PSMD14: variants seen among roughly 807,000 people sequenced by gnomAD.
PSMD14 encodes ubiquitin C-terminal hydrolase PSMD14.
A neutral mutation model predicts 41.2 loss-of-function variants in PSMD14; 7 were observed. The observed-to-expected ratio is 0.17, with a 90% CI of 0.10 to 0.32. The LOEUF is 0.32. PSMD14 is among the 10% of genes least tolerant of loss of function. PSMD14 has a pLI of 1.00. For missense variants in PSMD14, 139 were observed against 375.6 expected (o/e 0.37, Z 5.21); for synonymous variants, 114 against 122.3 (o/e 0.93, Z 0.45).
chr2:161,395,045 A>G, intron 9 of PSMD14, 33 bp from the exon 10 acceptor site: 1 of 1,538,216 alleles, frequency 6.5e-7, no homozygotes, highest in Non-Finnish European at 8.7e-7. Flanking sequence ...TCCTCAAGGC[A>G]GAAAAAGAAT....
intron 10 of PSMD14, among the ~76,000 whole-genome samples, chr2:161,403,381 A>T (rs1347717535): frequency 1.3e-5 from 2 of 152,186 alleles, no homozygotes; most frequent in African/African-American, 2.4e-5. Context: ...GTTGCCAGGG[A>T]CTTGGGCAAG....
At chr2:161,406,952 A>G (rs1683955532) in intron 10 of PSMD14, among the ~76,000 whole-genome samples, 2 of 152,108 alleles carry the variant, frequency 1.3e-5, no homozygotes, top group African/African-American at 4.8e-5. Context: ...TCTATCTACC[A>G]TCTTTGTTGT....
At chr2:161,323,631 C>A (rs899031289) in intron 3 of PSMD14, among the ~76,000 whole-genome samples, 1 of 151,806 alleles carries the variant, frequency 6.6e-6, no homozygotes, top group African/African-American at 2.4e-5. Flanking sequence ...CCACTGCACT[C>A]CAGCCTGGGT....
At chr2:161,328,852 CAT>C (rs1284256089) in intron 3 of PSMD14, among the ~76,000 whole-genome samples, 2 of 152,134 alleles carry the variant, frequency 1.3e-5, no homozygotes, top group East Asian at 3.9e-4. Flanking sequence ...AGTACACAAA[CAT>C]AAAACTAAAG....
At chr2:161,327,326 A>G (rs1436623306) in intron 3 of PSMD14, among the ~76,000 whole-genome samples, 2 of 152,300 alleles carry the variant, frequency 1.3e-5, no homozygotes, top group East Asian at 3.9e-4. Context: ...GACAGTGTTA[A>G]TGTGCCTAAT....
chr2:161,370,584 A>G (rs1050245791), intron 6 of PSMD14, among the ~76,000 whole-genome samples: 11 of 152,164 alleles, frequency 7.2e-5, no homozygotes, highest in African/African-American at 2.7e-4. Context: ...GTATAATCCA[A>G]ATATTCTAAA....
chr2:161,356,501 A>G (rs1438150050), intron 3 of PSMD14, among the ~76,000 whole-genome samples: 2 of 152,118 alleles, frequency 1.3e-5, no homozygotes, highest in African/African-American at 4.8e-5. Context: ...TTTTGATTTT[A>G]TGATAAAATT....
chr2:161,392,387 C>T (rs533819724), intron 9 of PSMD14, among the ~76,000 whole-genome samples: 1 of 152,212 alleles, frequency 6.6e-6, no homozygotes, highest in Non-Finnish European at 1.5e-5. Context: ...TGTTTCTCAC[C>T]AAGGTGTCTT....
intron 3 of PSMD14, chr2:161,341,120 C>T (rs971268368): frequency 3.0e-6 from 4 of 1,324,190 alleles, no homozygotes; most frequent in Admixed American, 4.0e-5. Context: ...CCTCCGGCCC[C>T]GCGGGCGAGG....
chr2:161,374,087 C>G (rs954188834), intron 7 of PSMD14, among the ~76,000 whole-genome samples: 2 of 151,826 alleles, frequency 1.3e-5, no homozygotes, highest in Non-Finnish European at 2.9e-5. Flanking sequence ...AATTTCAGGG[C>G]TCAGGCTTTT....
intron 5 of PSMD14, 61 bp from the exon 6 acceptor site, chr2:161,370,046 A>C: frequency 7.7e-7 from 1 of 1,298,682 alleles, no homozygotes; most frequent in African/African-American, 1.5e-5. Context: ...AATAATATAC[A>C]TAGGGAAGCT....
chr2:161,354,400 C>A (rs1262327355), intron 3 of PSMD14, among the ~76,000 whole-genome samples: 2 of 152,098 alleles, frequency 1.3e-5, no homozygotes, highest in African/African-American at 4.8e-5. Flanking sequence ...TTTGAGCCAC[C>A]ACACCTGGCT....
Position 161,371,259 on chromosome 2 carries a change from T to C in PSMD14, c.399T>C (p.Phe133=), listed in dbSNP as rs1333281069. 9 of 1,612,430 alleles carry C rather than the reference T, an allele frequency of 5.6e-6. No individual in the cohort carries two copies. Among genetic ancestry groups the C allele is most frequent in the Non-Finnish European group, 7.6e-6 (9 of 1,179,174 alleles). ...SGVDINTQQS[F]EALSERAVAV... ...TGGATATCAACACTCAGCAGAGCTTTGAAGCCTTGTCGGAGAGAGCTGTGG... is the reference window on the plus strand; with the variant it reads ...TGGATATCAACACTCAGCAGAGCTTCGAAGCCTTGTCGGAGAGAGCTGTGG... Residue 133 remains phenylalanine (F), a synonymous_variant, in exon 7 of 12, where the codon TTT becomes TTC. Transcript: ENST00000409682.
At chr2:161,390,108 G>A (rs1352686439) in intron 8 of PSMD14, among the ~76,000 whole-genome samples, 2 of 151,512 alleles carry the variant, frequency 1.3e-5, no homozygotes, top group East Asian at 1.9e-4. Context: ...AAGATGTAAT[G>A]TGTAAAGCAG....
intron 3 of PSMD14, among the ~76,000 whole-genome samples, chr2:161,363,233 G>T (rs1405540007): frequency 6.6e-6 from 1 of 152,132 alleles, no homozygotes; most frequent in Non-Finnish European, 1.5e-5. Context: ...CATCCTCCCT[G>T]CCCCAAAACT....
chr2:161,327,983 T>TGTGTGTGTGTGA (rs1425339320), intron 3 of PSMD14, among the ~76,000 whole-genome samples: 1 of 148,994 alleles, frequency 6.7e-6, no homozygotes, highest in Non-Finnish European at 1.5e-5. Context: ...TGTGTGTGTG[T>TGTGTGTGTGTGA]GAGATGTTGG....
At chr2:161,393,142 T>C (rs569569440) in intron 9 of PSMD14, among the ~76,000 whole-genome samples, 1 of 152,168 alleles carries the variant, frequency 6.6e-6, no homozygotes, top group African/African-American at 2.4e-5. Flanking sequence ...TACTCGAGGG[T>C]CGCAAGGGAA....
chr2:161,391,850 C>T (rs750247533), intron 9 of PSMD14, among the ~76,000 whole-genome samples: 33 of 152,098 alleles, frequency 2.2e-4, no homozygotes, highest in Admixed American at 3.9e-4. Flanking sequence ...CCTCTCACCT[C>T]AGCCTTCTAA....
chr2:161,314,130 C>G (rs1689122724), intron 1 of PSMD14, among the ~76,000 whole-genome samples: 1 of 152,102 alleles, frequency 6.6e-6, no homozygotes, highest in African/African-American at 2.4e-5. Context: ...AGAATTAGTC[C>G]AATGATTTTT....
Sources: gnomAD v4.1 joint callset for allele counts (sites outside exome capture counted in the v4.1 genomes callset) on GRCh38, gnomAD v4.1.1 for gene constraint, MANE v1.5 for transcripts, NCBI Gene and HGNC (gene_info 2026-07-23, HGNC 2026-07-21) for gene names.